UNG: variants seen among roughly 807,000 people sequenced by gnomAD.
UNG encodes uracil DNA glycosylase.
A neutral mutation model predicts 36.5 loss-of-function variants in UNG; 34 were observed. The observed-to-expected ratio is 0.93, with a 90% CI of 0.71 to 1.24. UNG has a LOEUF of 1.24. Ranked by LOEUF, UNG falls within the 50% of genes most tolerant of loss-of-function variation. The probability of loss-of-function intolerance (pLI) is 0.00; values close to 1 mark genes in which losing one functional copy is unlikely to be tolerated. For synonymous variants in UNG, 172 were observed against 157.8 expected (o/e 1.09, Z -0.67); for missense variants, 391 against 397.6 (o/e 0.98, Z 0.14).
intron 6 of UNG, among the ~76,000 whole-genome samples, chr12:109,104,362 A>G (rs2042201561): frequency 6.6e-6 from 1 of 151,998 alleles, no homozygotes; most frequent in African/African-American, 2.4e-5. Flanking sequence ...GGTGATCATT[A>G]TTAACCCCAA....
chr12:109,103,435 G>A lies in UNG; in HGVS notation c.625G>A (p.Val209Ile). 1.9e-6 allele frequency: 3 copies of A among 1,614,098 alleles called. No homozygotes were observed. Among genetic ancestry groups the A allele is most frequent in the Non-Finnish European group, 2.5e-6 (3 of 1,179,992 alleles). ...ACCTGTTTCTCTCATGTGTATAGGTGTTCTCCTTCTCAACGCTGTCCTCAC... is the reference window on the plus strand; with the variant it reads ...ACCTGTTTCTCTCATGTGTATAGGTATTCTCCTTCTCAACGCTGTCCTCAC... ...GDLSGWAKQG[V>I]LLLNAVLTVR... Residue 209 changes from valine (V) to isoleucine (I), a missense_variant and splice_region_variant, in exon 6 of 7, where the codon GTT (valine) becomes ATT (isoleucine). Physicochemically the swap from Val to Ile is conservative, Grantham distance 29. Coordinates refer to ENST00000242576, the MANE Select transcript of UNG (RefSeq NM_080911.3).
At chr12:109,098,666 G>A in intron 2 of UNG, 28 bp downstream of exon 2, 5 of 1,612,952 alleles carry the variant, frequency 3.1e-6, no homozygotes, top group Non-Finnish European at 2.5e-6. Context: ...CCTTCCATAA[G>A]GGTAAATGTG....
chr12:109,104,609 C>T (rs1487651907), intron 6 of UNG, among the ~76,000 whole-genome samples: 1 of 152,146 alleles, frequency 6.6e-6, no homozygotes, highest in Non-Finnish European at 1.5e-5. Context: ...GCCCTTCAGG[C>T]ATGAGTCACC....
intron 4 of UNG, 152 bp downstream of exon 4, chr12:109,102,151 A>G (rs2042183135): frequency 4.0e-6 from 3 of 746,568 alleles, no homozygotes; most frequent in Non-Finnish European, 7.0e-6. Context: ...GGGCTGAGTC[A>G]TTCTTTGTTG....
At chr12:109,107,850 T>TTTTTG (rs2042229672) in intron 6 of UNG, among the ~76,000 whole-genome samples, 1 of 152,046 alleles carries the variant, frequency 6.6e-6, no homozygotes, top group African/African-American at 2.4e-5. Context: ...GTGGCGAGAT[T>TTTTTG]TTTTTGTTTT....
intron 1 of UNG, 200 bp downstream of exon 1, chr12:109,098,011 C>T (rs1017027836): frequency 1.6e-6 from 2 of 1,284,842 alleles, no homozygotes; most frequent in Non-Finnish European, 2.0e-6. Flanking sequence ...GGGAACGCGT[C>T]TCGGGGCCCA....
chr12:109,104,913 G>A (rs2042204877), intron 6 of UNG, among the ~76,000 whole-genome samples: 1 of 152,078 alleles, frequency 6.6e-6, no homozygotes, highest in Non-Finnish European at 1.5e-5. Context: ...GTGGGTACTA[G>A]GTTGAGCACT....
Position 109,101,993 on chromosome 12 carries a change from C to T in UNG, c.527C>T (p.Pro176Leu), listed in dbSNP as rs970951562. 3.5e-5 allele frequency: 56 copies of T among 1,613,714 alleles called. No individual in the cohort carries two copies. Among genetic ancestry groups the T allele is most frequent in the Non-Finnish European group, 4.3e-5 (51 of 1,179,880 alleles). Reference sequence around the variant, plus strand: ...AGTGTTCAAAGGCCTGTTCCGCCTCCGCCCAGGTACAGTTGCTTTACAGGT... The same window carrying T: ...AGTGTTCAAAGGCCTGTTCCGCCTCTGCCCAGGTACAGTTGCTTTACAGGT... ...CFSVQRPVPP[P>L]PSLENIYKEL... Residue 176 changes from proline (P) to leucine (L), a missense_variant, in exon 4 of 7, where the codon CCG becomes CTG. Transcript: ENST00000242576.
intron 3 of UNG, among the ~76,000 whole-genome samples, chr12:109,101,595 A>G (rs1481625473): frequency 6.6e-6 from 1 of 152,110 alleles, no homozygotes; most frequent in African/African-American, 2.4e-5. Context: ...CTGTGGGCCC[A>G]GCTACTCTGG....
chr12:109,106,229 C>T (rs1411670693), intron 6 of UNG, among the ~76,000 whole-genome samples: 2 of 152,150 alleles, frequency 1.3e-5, no homozygotes, highest in African/African-American at 4.8e-5. Flanking sequence ...TTGTTATTCC[C>T]AGTCTACAGA....
At chr12:109,103,154 C>G (rs927980034) in intron 5 of UNG, among the ~76,000 whole-genome samples, 1 of 152,018 alleles carries the variant, frequency 6.6e-6, no homozygotes, top group Non-Finnish European at 1.5e-5. Flanking sequence ...CAGGGTTTCA[C>G]CATGTTGGCC....
At chr12:109,102,420 G>T (rs2042185134) in intron 4 of UNG, among the ~76,000 whole-genome samples, 1 of 151,876 alleles carries the variant, frequency 6.6e-6, no homozygotes, top group Admixed American at 6.6e-5. Flanking sequence ...GGAGGTGGCA[G>T]TGAGCCGAGA....
intron 2 of UNG, 93 bp downstream of exon 2, chr12:109,098,731 T>G: frequency 4.5e-6 from 7 of 1,553,374 alleles, no homozygotes. Flanking sequence ...CATGTTTCCG[T>G]AGGCTTAGGT....
rs541649658 is a variant in UNG, at chr12:109,100,940, C to G, written c.436-962C>G. Among the ~76,000 whole-genome samples, 284 of 152,070 alleles carry G rather than the reference C, an allele frequency of 1.9e-3. 1 individual carries two copies. The highest frequency in any genetic ancestry group is 6.2e-3 in the African/African-American group (257 of 41,474). ...CCCTGGATGGGAAGGACGAGGCGGC[C>G]TATGTTTCAACACCTCCCGTGACAG... On this transcript the variant is annotated intron_variant, in intron 3 of 6. Coordinates refer to ENST00000242576, the MANE Select transcript of UNG (RefSeq NM_080911.3).
At chr12:109,103,138 TAG>T (rs1376942676) in intron 5 of UNG, among the ~76,000 whole-genome samples, 1 of 152,040 alleles carries the variant, frequency 6.6e-6, no homozygotes, top group African/African-American at 2.4e-5. Flanking sequence ...GTATTTTTAG[TAG>T]AGACAGGGTT....
chr12:109,101,307 G>A (rs1213625732), intron 3 of UNG, among the ~76,000 whole-genome samples: 1 of 151,620 alleles, frequency 6.6e-6, no homozygotes, highest in Non-Finnish European at 1.5e-5. Flanking sequence ...TGGCCAGATG[G>A]TTTCGATATC....
intron 2 of UNG, 27 bp downstream of exon 2, chr12:109,098,665 A>C (rs771779980): frequency 1.2e-6 from 2 of 1,613,248 alleles, no homozygotes; most frequent in Non-Finnish European, 1.7e-6. Context: ...ACCTTCCATA[A>C]GGGTAAATGT....
intron 6 of UNG, among the ~76,000 whole-genome samples, chr12:109,106,103 A>C (rs1235390849): frequency 6.6e-6 from 1 of 152,194 alleles, no homozygotes; most frequent in East Asian, 1.9e-4. Flanking sequence ...TGACATTTAC[A>C]GGGGCCTGTG....
chr12:109,102,756 T>C, intron 4 of UNG, 83 bp from the exon 5 acceptor site: 1 of 1,170,842 alleles, frequency 8.5e-7, no homozygotes, highest in Non-Finnish European at 1.3e-6. Flanking sequence ...TTCTAACCTT[T>C]TCACATATGT....
Sources: gnomAD v4.1 joint callset for allele counts (sites outside exome capture counted in the v4.1 genomes callset) on GRCh38, gnomAD v4.1.1 for gene constraint, MANE v1.5 for transcripts, NCBI Gene and HGNC (gene_info 2026-07-23, HGNC 2026-07-21) for gene names.